Variants in PPFIA2 observed in about 807,000 individuals in gnomAD.
PPFIA2 encodes the protein liprin-alpha-2.
A neutral mutation model predicts 175.5 loss-of-function variants in PPFIA2; 46 were observed. The observed-to-expected ratio is 0.26, with a 90% CI of 0.21 to 0.34. The LOEUF is 0.34. Among genes scored for constraint, PPFIA2 ranks in the 10% least tolerant of loss-of-function variants. The pLI is 1.00. For missense variants in PPFIA2, 1,179 were observed against 1,506.1 expected (o/e 0.78, Z 3.60); for synonymous variants, 568 against 511.4 (o/e 1.11, Z -1.49).
chr12:81,327,030 C>T (rs1009224821), intron 21 of PPFIA2, among the ~76,000 whole-genome samples: 3 of 151,986 alleles, frequency 2.0e-5, no homozygotes, highest in African/African-American at 7.2e-5. Flanking sequence ...AATATCTTAC[C>T]AAGGTGCCAA....
intron 4 of PPFIA2, among the ~76,000 whole-genome samples, chr12:81,656,219 T>G (rs1200226609): frequency 6.6e-6 from 1 of 152,108 alleles, no homozygotes; most frequent in Non-Finnish European, 1.5e-5. Context: ...ATTTTAGAAT[T>G]TTTTTGTAAA....
intron 4 of PPFIA2, among the ~76,000 whole-genome samples, chr12:81,534,964 C>T (rs1238631318): frequency 6.6e-6 from 1 of 151,636 alleles, no homozygotes; most frequent in Admixed American, 6.6e-5. Context: ...CCAGTACAGT[C>T]CCGGCAAGTT....
intron 24 of PPFIA2, among the ~76,000 whole-genome samples, chr12:81,286,966 T>C (rs2043602518): frequency 6.6e-6 from 1 of 152,030 alleles, no homozygotes; most frequent in Admixed American, 6.6e-5. Flanking sequence ...AAACAGAAAG[T>C]TGCATATGAG....
intron 4 of PPFIA2, among the ~76,000 whole-genome samples, chr12:81,664,634 C>A (rs562865755): frequency 6.6e-6 from 1 of 152,090 alleles, no homozygotes; most frequent in South Asian, 2.1e-4. Context: ...TGTGGCGATT[C>A]CTCAGGGATC....
chr12:81,385,341 T>C (rs1048744330), intron 8 of PPFIA2, among the ~76,000 whole-genome samples: 1 of 152,094 alleles, frequency 6.6e-6, no homozygotes, highest in African/African-American at 2.4e-5. Flanking sequence ...TCCAGAAATC[T>C]CACTTCTGGG....
At chr12:81,409,969 T>C (rs1592551456) in intron 7 of PPFIA2, among the ~76,000 whole-genome samples, 2 of 152,086 alleles carry the variant, frequency 1.3e-5, no homozygotes, top group African/African-American at 2.4e-5. Context: ...TAGGGCTCAA[T>C]GTGATAGTTT....
At chr12:81,493,787 T>TACAC (rs1555428270) in intron 4 of PPFIA2, among the ~76,000 whole-genome samples, 239 of 128,350 alleles carry the variant, frequency 1.9e-3, no homozygotes, top group African/African-American at 6.7e-3. Flanking sequence ...TATATATATA[T>TACAC]ACACATTGGA....
chr12:81,623,746 G>C (rs758343987), intron 4 of PPFIA2, among the ~76,000 whole-genome samples: 12 of 151,966 alleles, frequency 7.9e-5, no homozygotes, highest in Admixed American at 7.9e-4. Context: ...GAATAGTAAA[G>C]TATTAGCACT....
intron 3 of PPFIA2, among the ~76,000 whole-genome samples, chr12:81,700,790 A>G (rs2076396417): frequency 6.6e-6 from 1 of 152,164 alleles, no homozygotes; most frequent in Admixed American, 6.6e-5. Flanking sequence ...CATCGGTTGG[A>G]TATACATATT....
intron 3 of PPFIA2, among the ~76,000 whole-genome samples, chr12:81,678,378 T>G (rs1009757428): frequency 6.6e-6 from 1 of 151,762 alleles, no homozygotes; most frequent in African/African-American, 2.4e-5. Context: ...TAATACATTA[T>G]GGGGCTGGGA....
At chr12:81,278,709 T>C (rs1014698451) in intron 27 of PPFIA2, among the ~76,000 whole-genome samples, 2 of 152,108 alleles carry the variant, frequency 1.3e-5, no homozygotes, top group African/African-American at 4.8e-5. Flanking sequence ...CCAGGCATGT[T>C]CTGAGAGAGA....
At chr12:81,421,433 T>C (rs1254902095) in intron 7 of PPFIA2, among the ~76,000 whole-genome samples, 5 of 152,026 alleles carry the variant, frequency 3.3e-5, no homozygotes, top group African/African-American at 1.2e-4. Flanking sequence ...AGGTTTTGTA[T>C]TCAATTGAAG....
chr12:81,369,382 C>A, intron 11 of PPFIA2, 188 bp from the exon 12 acceptor site: 1 of 1,438,000 alleles, frequency 7.0e-7, no homozygotes, highest in Admixed American at 2.5e-5. Flanking sequence ...AGGCCTGTTA[C>A]ATCCAAGCAT....
intron 4 of PPFIA2, among the ~76,000 whole-genome samples, chr12:81,639,540 T>C (rs1595885344): frequency 6.6e-6 from 1 of 150,528 alleles, no homozygotes; most frequent in South Asian, 2.1e-4. Flanking sequence ...ATCTACTCGG[T>C]AAAAAAAATA....
intron 5 of PPFIA2, among the ~76,000 whole-genome samples, chr12:81,452,030 C>A (rs1177262965): frequency 1.3e-5 from 2 of 151,988 alleles, no homozygotes; most frequent in Non-Finnish European, 2.9e-5. Flanking sequence ...GGCCATGAAT[C>A]CTATGTTTGA....
At chr12:81,444,559 T>C (rs118017445) in intron 6 of PPFIA2, among the ~76,000 whole-genome samples, 12,657 of 152,136 alleles carry the variant, frequency 0.083, 756 homozygotes, top group Middle Eastern at 0.16. Context: ...GTTGCTAAAA[T>C]AAAAATGAGA....
chr12:81,646,897 G>A (rs2066168358), intron 4 of PPFIA2, among the ~76,000 whole-genome samples: 1 of 151,792 alleles, frequency 6.6e-6, no homozygotes, highest in Non-Finnish European at 1.5e-5. Context: ...GGAGATGAAG[G>A]TGGGGGGAGG....
intron 4 of PPFIA2, among the ~76,000 whole-genome samples, chr12:81,597,506 T>C (rs904381750): frequency 1.3e-5 from 2 of 152,132 alleles, no homozygotes; most frequent in Non-Finnish European, 2.9e-5. Context: ...ATGGGAATTA[T>C]GTTAAACTGT....
At chr12:81,622,891 G>C (rs1436745441) in intron 4 of PPFIA2, among the ~76,000 whole-genome samples, 1 of 152,100 alleles carries the variant, frequency 6.6e-6, no homozygotes, top group Non-Finnish European at 1.5e-5. Flanking sequence ...AGTAGATTTT[G>C]TTTAAAGAAA....
Sources: allele counts gnomAD v4.1 joint callset (sites outside exome capture counted in the v4.1 genomes callset), GRCh38; gene constraint gnomAD v4.1.1; transcripts MANE v1.5; gene names NCBI Gene and HGNC (gene_info 2026-07-23, HGNC 2026-07-21).